Variants in RUBCNL observed in about 807,000 individuals in gnomAD.
RUBCNL encodes protein associated with UVRAG as autophagy enhancer.
A neutral mutation model predicts 69.5 loss-of-function variants in RUBCNL; 62 were observed. The observed-to-expected ratio is 0.89, with a 90% CI of 0.73 to 1.10. The LOEUF (loss-of-function observed/expected upper bound fraction) is 1.10, where lower values mean the gene tolerates loss of function less well. RUBCNL is among the 50% of genes least tolerant of loss of function. RUBCNL has a pLI of 0.00. For synonymous variants in RUBCNL, 291 were observed against 303.6 expected (o/e 0.96, Z 0.43); for missense variants, 768 against 798.1 (o/e 0.96, Z 0.45).
chr13:46,346,396 G>A (rs185376714), intron 12 of RUBCNL, among the ~76,000 whole-genome samples: 81 of 150,374 alleles, frequency 5.4e-4, no homozygotes, highest in South Asian at 1.1e-3. Context: ...CCTTGCTTGC[G>A]GTCTACCCTA....
chr13:46,339,216 T>C lies in RUBCNL; in HGVS notation c.*4169A>G, dbSNP rs1417535816. On this transcript the variant is annotated 3_prime_UTR_variant, in exon 15 of 15. Transcript: ENST00000429979. Reference sequence around the variant, plus strand: ...AAGCTTCCCAATTGTGTCTGCAGCCTGCTACCTCAGCATTACTCATAAAAG... The same window carrying C: ...AAGCTTCCCAATTGTGTCTGCAGCCCGCTACCTCAGCATTACTCATAAAAG... 6.6e-6 allele frequency among the ~76,000 whole-genome samples: 1 copy of C among 152,194 alleles called. No homozygotes were observed. Among genetic ancestry groups the C allele is most frequent in the Non-Finnish European group, 1.5e-5 (1 of 68,026 alleles).
chr13:46,377,813 A>G (rs796426816), intron 2 of RUBCNL, 77 bp downstream of exon 2: 2 of 802,020 alleles, frequency 2.5e-6, no homozygotes, highest in Non-Finnish European at 4.1e-6. Context: ...ATAGGCCCAT[A>G]ATAGATTCAC....
rs1594128082 is a variant in RUBCNL, at chr13:46,344,745, A to G, written c.1872T>C (p.Cys624=). 1 of 1,599,726 alleles carries G rather than the reference A, an allele frequency of 6.3e-7. No homozygotes were observed. The highest frequency in any genetic ancestry group is 2.2e-5 in the East Asian group (1 of 44,716). The stretch of plus-strand genomic sequence containing the variant: ...TGTTATTAAGTTATTAAATACCTGA[A>G]CATCTTCTACATGTTGCTGTCTGAA... ...FPFQTATCRR[C]SACRACFHKQ... The change falls in exon 14 of 15, where the codon TGT becomes TGC. Residue 624 remains cysteine, a synonymous_variant. Transcript: ENST00000429979.
chr13:46,361,322 T>G, intron 8 of RUBCNL, 119 bp downstream of exon 8: 2 of 1,039,024 alleles, frequency 1.9e-6, no homozygotes, highest in Non-Finnish European at 2.8e-6. Flanking sequence ...TCATTCATTT[T>G]GAGTCTCCCC....
chr13:46,368,163 C>G lies in RUBCNL; in HGVS notation c.705G>C (p.Glu235Asp). The change falls in exon 5 of 15, where the codon GAG becomes GAC. Residue 235 changes from glutamate (E) to aspartate (D), a missense_variant. Physicochemically the swap from Glu to Asp is conservative, Grantham distance 45. Transcript: ENST00000429979. ...KCNILSQQQT[E>D]SWSKEVSGLL... is the part of the protein sequence containing the mutation. ...ACCCACTGACTTCTTTACTCCAGCT[C>G]TCTGTCTGCTGTTGACTCAGAATGT... is the stretch of plus-strand genomic sequence containing the variant. 1.2e-6 allele frequency: 2 copies of G among 1,613,976 alleles called. No homozygotes were observed. Among genetic ancestry groups the G allele is most frequent in the Non-Finnish European group, 1.7e-6 (2 of 1,179,872 alleles).
At chr13:46,365,330 C>T (rs2048728355) in intron 5 of RUBCNL, among the ~76,000 whole-genome samples, 1 of 145,216 alleles carries the variant, frequency 6.9e-6, no homozygotes, top group Non-Finnish European at 1.5e-5. Flanking sequence ...AAAAAAATCT[C>T]ATGAAGGAGC....
At chr13:46,351,723 A>G (rs2048372686) in intron 10 of RUBCNL, among the ~76,000 whole-genome samples, 1 of 152,172 alleles carries the variant, frequency 6.6e-6, no homozygotes, top group African/African-American at 2.4e-5. Flanking sequence ...GAACATATAT[A>G]TAAACATACA....
chr13:46,345,626 T>G, intron 12 of RUBCNL, 26 bp from the exon 13 acceptor site: 1 of 1,611,282 alleles, frequency 6.2e-7, no homozygotes, highest in Non-Finnish European at 8.5e-7. Flanking sequence ...CAAAGAGGAA[T>G]TCAGAAACCC....
At chr13:46,381,372 C>CATATATAT (rs748468393) in intron 1 of RUBCNL, among the ~76,000 whole-genome samples, 26 of 149,622 alleles carry the variant, frequency 1.7e-4, no homozygotes, top group African/African-American at 6.1e-4. Context: ...AAAGACATTT[C>CATATATAT]ATATATATAT....
At chr13:46,350,598 C>A (rs2048350056) in intron 10 of RUBCNL, 1 of 386,834 alleles carries the variant, frequency 2.6e-6, no homozygotes, top group Non-Finnish European at 4.6e-6. Flanking sequence ...CCAAAATACT[C>A]CTGGATTTGG....
chr13:46,359,901 T>C (rs2048574347), intron 8 of RUBCNL, among the ~76,000 whole-genome samples: 1 of 152,184 alleles, frequency 6.6e-6, no homozygotes, highest in Admixed American at 6.5e-5. Flanking sequence ...AAGTAGGTCA[T>C]TTTGACCTGG....
chr13:46,377,724 G>A (rs1340262140), intron 2 of RUBCNL, among the ~76,000 whole-genome samples, 166 bp downstream of exon 2: 1 of 152,202 alleles, frequency 6.6e-6, no homozygotes, highest in Admixed American at 6.5e-5. Context: ...CTTCCTTCTA[G>A]AAAAGTGTTG....
chr13:46,345,567 G>A lies in RUBCNL; in HGVS notation c.1665C>T (p.His555=). The change falls in exon 13 of 15, where the codon CAC becomes CAT. Residue 555 remains histidine, a synonymous_variant. Transcript: ENST00000429979. Reference sequence around the variant, plus strand: ...AGAACAGGTGGAGCTCATCAGTCAAGTGTCCCGGCACCTGCTCGAACTCCT... The same window carrying A: ...AGAACAGGTGGAGCTCATCAGTCAAATGTCCCGGCACCTGCTCGAACTCCT... ...ALKEFEQVPG[H]LTDELHLFSL... 1 of 1,613,734 alleles carries A rather than the reference G, an allele frequency of 6.2e-7. No individual in the cohort carries two copies. Among genetic ancestry groups the A allele is most frequent in the East Asian group, 2.2e-5 (1 of 44,876 alleles).
intron 13 of RUBCNL, 24 bp from the exon 14 acceptor site, chr13:46,344,855 T>A: frequency 6.6e-7 from 1 of 1,505,016 alleles, no homozygotes; most frequent in Non-Finnish European, 9.2e-7. Context: ...CATCAAAAAG[T>A]TACAACCTTC....
chr13:46,364,699 G>GTT (rs35790339), intron 5 of RUBCNL, among the ~76,000 whole-genome samples: 39,915 of 136,244 alleles, frequency 0.29, 6,631 homozygotes, highest in East Asian at 0.58. Flanking sequence ...TTCTACCCTT[G>GTT]TTTTTTTTTT....
chr13:46,362,931 T>TATATATAG (rs57533373), intron 6 of RUBCNL, among the ~76,000 whole-genome samples, 184 bp downstream of exon 6: 2 of 48,154 alleles, frequency 4.2e-5, no homozygotes, highest in Non-Finnish European at 6.5e-5. Flanking sequence ...ATCATATATA[T>TATATATAG]ATATATAGAT....
At chr13:46,373,497 T>C (rs1031946460) in intron 2 of RUBCNL, among the ~76,000 whole-genome samples, 2 of 152,230 alleles carry the variant, frequency 1.3e-5, no homozygotes, top group African/African-American at 4.8e-5. Flanking sequence ...CACTCACTTC[T>C]AAGCTCAGAT....
Position 46,345,492 on chromosome 13 carries a change from G to A in RUBCNL, c.1740C>T (p.Leu580=). 6.3e-7 allele frequency: 1 copy of A among 1,594,452 alleles called. No individual in the cohort carries two copies. Among genetic ancestry groups the A allele is most frequent in the Non-Finnish European group, 8.5e-7 (1 of 1,170,596 alleles). ...CAAGGGAAGCTTTCAGAATGTCCTTGAGTAAGGGTGCCAGCAGCCCTTTCT... is the reference window on the plus strand; with the variant it reads ...CAAGGGAAGCTTTCAGAATGTCCTTAAGTAAGGGTGCCAGCAGCCCTTTCT... The part of the protein sequence containing the change: ...RIKKGLLAPL[L]KDILKASLAH... Residue 580 remains leucine, a synonymous_variant, in exon 13 of 15, where the codon CTC becomes CTT. Transcript: ENST00000429979.
At chr13:46,385,142 G>C (rs1464247497) in intron 1 of RUBCNL, 1 of 281,746 alleles carries the variant, frequency 3.5e-6, no homozygotes, top group Admixed American at 6.5e-5. Context: ...CAGAATTGTA[G>C]CACGTGTATC....
Sources: gnomAD v4.1 joint callset for allele counts (sites outside exome capture counted in the v4.1 genomes callset) on GRCh38, gnomAD v4.1.1 for gene constraint, MANE v1.5 for transcripts, NCBI Gene and HGNC (gene_info 2026-07-23, HGNC 2026-07-21) for gene names.